The following FLNB variants were observed in gnomAD, a reference collection of about 807,000 sequenced individuals.
The protein encoded by FLNB is filamin-B.
In FLNB, 111 loss-of-function variants were observed where a neutral mutation model predicts 250.6. The ratio of observed to expected loss-of-function variants is 0.44; its 90% CI spans 0.38 to 0.52. FLNB has a LOEUF of 0.52. Ranked by LOEUF, FLNB falls within the 20% of genes least tolerant of loss-of-function variation. The pLI is 0.00. For synonymous variants in FLNB, 1,302 were observed against 1,372.1 expected (o/e 0.95, Z 1.13); for missense variants, 2,869 against 3,447.8 (o/e 0.83, Z 4.20).
chr3:58,149,544 G>A (rs558723556), intron 36 of FLNB: 24 of 447,146 alleles, frequency 5.4e-5, no homozygotes, highest in Non-Finnish European at 4.6e-5. Context: ...ACTTGGAGGC[G>A]TGAGGGCAGA....
chr3:58,140,152 A>T (rs1048255096), intron 29 of FLNB, among the ~76,000 whole-genome samples: 3 of 152,150 alleles, frequency 2.0e-5, no homozygotes, highest in African/African-American at 7.2e-5. Flanking sequence ...GGTTGGGTAG[A>T]TTCCCTGCTT....
chr3:58,074,959 T>C (rs1477723696), intron 1 of FLNB, among the ~76,000 whole-genome samples: 1 of 152,180 alleles, frequency 6.6e-6, no homozygotes. Context: ...TTCTGATTAA[T>C]TAATTTAATA....
intron 32 of FLNB, among the ~76,000 whole-genome samples, chr3:58,145,007 G>A (rs988681272): frequency 4.6e-5 from 7 of 152,192 alleles, no homozygotes; most frequent in African/African-American, 1.7e-4. Flanking sequence ...GCCCTTTGTG[G>A]TAGGAGTTGC....
intron 1 of FLNB, among the ~76,000 whole-genome samples, chr3:58,051,938 G>A (rs998871500): frequency 6.6e-6 from 1 of 152,144 alleles, no homozygotes; most frequent in Non-Finnish European, 1.5e-5. Context: ...CCAGGCTGGA[G>A]TGTAATGGCA....
At chr3:58,009,093 A>G (rs1291879583) in intron 1 of FLNB, among the ~76,000 whole-genome samples, 1 of 152,100 alleles carries the variant, frequency 6.6e-6, no homozygotes, top group Non-Finnish European at 1.5e-5. Context: ...TTGGCTGGCT[A>G]AGGGTTGAGG....
chr3:58,163,111 C>G, intron 42 of FLNB, 43 bp from the exon 43 acceptor site: 1 of 1,595,568 alleles, frequency 6.3e-7, no homozygotes, highest in Non-Finnish European at 8.6e-7. Context: ...TCAGGGGTGT[C>G]CATTTGCTTG....
At position 58,148,245 on chromosome 3, in the gene FLNB, C is replaced by T; in HGVS notation, c.5768C>T (p.Ala1923Val). The change falls in exon 35 of 46, where the codon GCC becomes GTC. Residue 1923 changes from alanine to valine, a missense_variant. Ala to Val is a moderately conservative substitution (Grantham distance 64, BLOSUM62 0). Coordinates refer to ENST00000295956, the MANE Select transcript of FLNB (RefSeq NM_001457.4). ...TGCTCCCAGGTGAAGTTGGGCTCAG[C>T]CGCTGACTTCCTGCTCGACATCAGT... ...RRCSQVKLGS[A>V]ADFLLDISET... 6.2e-7 allele frequency: 1 copy of T among 1,614,222 alleles called. No individual in the cohort carries two copies. Among genetic ancestry groups the T allele is most frequent in the Non-Finnish European group, 8.5e-7 (1 of 1,180,034 alleles).
intron 41 of FLNB, among the ~76,000 whole-genome samples, chr3:58,157,363 G>A (rs1237293940): frequency 2.0e-5 from 3 of 152,188 alleles, no homozygotes; most frequent in Non-Finnish European, 4.4e-5. Context: ...TAAGATTGGT[G>A]ATATCATTGG....
intron 10 of FLNB, 113 bp downstream of exon 10, chr3:58,104,198 C>CTTTTT: frequency 1.5e-6 from 1 of 666,372 alleles, no homozygotes; most frequent in Non-Finnish European, 2.4e-6. Flanking sequence ...TTGTTGAAAA[C>CTTTTT]TTTTTTTTTT....
At chr3:58,122,733 TC>T (rs1304038637) in intron 20 of FLNB, among the ~76,000 whole-genome samples, 2 of 152,180 alleles carry the variant, frequency 1.3e-5, no homozygotes, top group African/African-American at 4.8e-5. Flanking sequence ...CAAGAGCCCT[TC>T]CATGAGCCCT....
chr3:58,085,131 A>G (rs1391626926), intron 4 of FLNB, among the ~76,000 whole-genome samples: 1 of 152,248 alleles, frequency 6.6e-6, no homozygotes, highest in Non-Finnish European at 1.5e-5. Context: ...TAATGCTGCT[A>G]TGAAAACATG....
At chr3:58,069,232 CTTTTTT>C (rs59689498) in intron 1 of FLNB, among the ~76,000 whole-genome samples, 2 of 86,384 alleles carry the variant, frequency 2.3e-5, no homozygotes, top group South Asian at 4.3e-4. Context: ...TAGTTCAATT[CTTTTTT>C]TTTTTTTTTT....
At chr3:58,160,421 G>A (rs983990268) in intron 42 of FLNB, among the ~76,000 whole-genome samples, 1 of 152,164 alleles carries the variant, frequency 6.6e-6, no homozygotes, top group Non-Finnish European at 1.5e-5. Context: ...TTGAAGGAAG[G>A]TATAAGGCTC....
At chr3:58,146,785 C>T in intron 33 of FLNB, 35 bp from the exon 34 acceptor site, 1 of 1,612,334 alleles carries the variant, frequency 6.2e-7, no homozygotes, top group Non-Finnish European at 8.5e-7. Flanking sequence ...GCAACTCTCT[C>T]CCTAACACCC....
intron 1 of FLNB, among the ~76,000 whole-genome samples, chr3:58,044,841 T>C (rs1312497440): frequency 1.3e-5 from 2 of 152,154 alleles, no homozygotes; most frequent in African/African-American, 4.8e-5. Context: ...CTGAGAGGCA[T>C]GAATGAGAAT....
At chr3:58,072,701 CT>C (rs1021590609) in intron 1 of FLNB, among the ~76,000 whole-genome samples, 3 of 152,114 alleles carry the variant, frequency 2.0e-5, no homozygotes, top group Non-Finnish European at 2.9e-5. Flanking sequence ...CTCTCTAGTC[CT>C]TATAATAGCA....
At chr3:58,046,783 A>T (rs2097154976) in intron 1 of FLNB, among the ~76,000 whole-genome samples, 1 of 152,122 alleles carries the variant, frequency 6.6e-6, no homozygotes, top group South Asian at 2.1e-4. Context: ...ATCCATTAGC[A>T]GTCACTCTCC....
chr3:58,019,595 A>G (rs1235484692), intron 1 of FLNB, among the ~76,000 whole-genome samples: 1 of 152,200 alleles, frequency 6.6e-6, no homozygotes, highest in Non-Finnish European at 1.5e-5. Context: ...TTTGTGTCAA[A>G]ACTGAGTTTC....
intron 1 of FLNB, among the ~76,000 whole-genome samples, chr3:58,039,070 C>G (rs1171291911): frequency 6.7e-6 from 1 of 149,732 alleles, no homozygotes; most frequent in East Asian, 2.0e-4. Context: ...CTCTGTCACC[C>G]CGGCTGGAAT....
Sources: allele counts gnomAD v4.1 joint callset (sites outside exome capture counted in the v4.1 genomes callset), GRCh38; gene constraint gnomAD v4.1.1; transcripts MANE v1.5; gene names NCBI Gene and HGNC (gene_info 2026-07-23, HGNC 2026-07-21).